Variants in LVRN observed in about 807,000 individuals in gnomAD.
The protein encoded by LVRN is aminopeptidase Q.
Under a neutral mutation model 111.4 loss-of-function variants are expected in LVRN, and 99 were observed. That is an observed-to-expected ratio of 0.89 (90% CI 0.76 to 1.05). The LOEUF is 1.05. LVRN is among the 50% of genes least tolerant of loss of function. The pLI is 0.00. For synonymous variants in LVRN, 488 were observed against 449.5 expected (o/e 1.09, Z -1.08); for missense variants, 1,414 against 1,206.8 (o/e 1.17, Z -2.54).
rs762129111 is a variant in LVRN at position 116,010,847 on chromosome 5, G to T, written c.2200G>T (p.Asp734Tyr). ...HTVLVNLVTR[D>Y]LVSEVNIYDI... ...AGTCTTGGTAAACTTGGTAACCAGG[G>T]ATCTTGTTTCTGAGGTGAACATCTA... is the stretch of plus-strand genomic sequence containing the variant. The change falls in exon 14 of 20, where the codon GAT becomes TAT. Residue 734 changes from aspartate (D) to tyrosine (Y), a missense_variant. Asp to Tyr is a radical substitution (Grantham distance 160). Coordinates refer to ENST00000357872, the MANE Select transcript of LVRN (RefSeq NM_173800.5). 12 of 1,610,974 alleles carry T rather than the reference G, an allele frequency of 7.4e-6. No homozygotes were observed. Among genetic ancestry groups the T allele is most frequent in the South Asian group, 6.6e-5 (6 of 90,640 alleles).
At chr5:115,976,442 C>T (rs186472698) in intron 1 of LVRN, among the ~76,000 whole-genome samples, 8 of 152,098 alleles carry the variant, frequency 5.3e-5, no homozygotes, top group African/African-American at 9.6e-5. Context: ...TTTATTTCAC[C>T]GATTTATATT....
chr5:116,015,437 A>C lies in LVRN; in HGVS notation c.2618+18A>C, dbSNP rs2112634275. 6.4e-7 allele frequency: 1 copy of C among 1,550,420 alleles called. No individual in the cohort carries two copies. Among genetic ancestry groups the C allele is most frequent in the African/African-American group, 1.4e-5 (1 of 72,286 alleles). On this transcript the variant is annotated intron_variant, in intron 17 of 19. Transcript: ENST00000357872. ...CTTAACAGGTGATTATGGTCAACTT[A>C]CCTTGAAAGTTTCTGTTATAGGAAT...
At chr5:116,003,496 C>A in intron 12 of LVRN, 116 bp downstream of exon 12, 2 of 595,952 alleles carry the variant, frequency 3.4e-6, no homozygotes, top group African/African-American at 2.0e-5. Context: ...CCCCTCACCT[C>A]CAGGCATGCA....
At chr5:116,012,872 T>G (rs1426471095) in intron 15 of LVRN, among the ~76,000 whole-genome samples, 1 of 152,228 alleles carries the variant, frequency 6.6e-6, no homozygotes, top group Non-Finnish European at 1.5e-5. Flanking sequence ...TCAGTCATTA[T>G]GCAGGTAAGA....
In LVRN at chr5:116,001,054, T is replaced by G; in HGVS notation, c.1648-13T>G. On this transcript the variant is annotated splice_polypyrimidine_tract_variant and intron_variant, in intron 9 of 19. Coordinates refer to ENST00000357872, the MANE Select transcript of LVRN (RefSeq NM_173800.5). Reference sequence around the variant, plus strand: ...ATAACCTTACCTGCCTTTGTGGTGATTTTTTAAAACAGGCCATAGATGACC... The same window carrying G: ...ATAACCTTACCTGCCTTTGTGGTGAGTTTTTAAAACAGGCCATAGATGACC... 1 of 1,575,148 alleles carries G rather than the reference T, an allele frequency of 6.3e-7. No homozygotes were observed. Among genetic ancestry groups the G allele is most frequent in the Non-Finnish European group, 8.6e-7 (1 of 1,166,866 alleles).
chr5:115,973,862 T>C (rs948592526), intron 1 of LVRN, among the ~76,000 whole-genome samples: 2 of 152,186 alleles, frequency 1.3e-5, no homozygotes, highest in South Asian at 2.1e-4. Flanking sequence ...TCAGCTTTCA[T>C]AGGTTTCTTC....
chr5:116,005,761 G>GA, intron 12 of LVRN, 151 bp from the exon 13 acceptor site: 1 of 703,328 alleles, frequency 1.4e-6, no homozygotes. Context: ...TATGGGGACT[G>GA]TCCTCAGTAA....
At chr5:115,989,074 A>G (rs1019312372) in intron 4 of LVRN, among the ~76,000 whole-genome samples, 1 of 152,000 alleles carries the variant, frequency 6.6e-6, no homozygotes, top group Non-Finnish European at 1.5e-5. Flanking sequence ...TCTCCACCAC[A>G]GCTGTACTCT....
intron 18 of LVRN, among the ~76,000 whole-genome samples, chr5:116,018,981 C>A (rs1014763577): frequency 3.3e-5 from 5 of 152,082 alleles, no homozygotes; most frequent in Admixed American, 3.3e-4. Context: ...CACACATTTA[C>A]AGTCACGAGT....
intron 1 of LVRN, 124 bp from the exon 2 acceptor site, chr5:115,983,163 G>A (rs193224436): frequency 9.4e-7 from 1 of 1,063,928 alleles, no homozygotes; most frequent in East Asian, 2.6e-5. Flanking sequence ...TGGGCAGTGA[G>A]GAAGATGAGA....
chr5:115,971,836 T>G (rs1261825007), intron 1 of LVRN, among the ~76,000 whole-genome samples: 1 of 152,062 alleles, frequency 6.6e-6, no homozygotes, highest in Non-Finnish European at 1.5e-5. Flanking sequence ...CTTGTTAATA[T>G]CTATTAAATA....
chr5:116,019,225 G>A (rs1378332695), intron 18 of LVRN, among the ~76,000 whole-genome samples: 1 of 152,170 alleles, frequency 6.6e-6, no homozygotes, highest in Non-Finnish European at 1.5e-5. Flanking sequence ...TCTAAACATA[G>A]AAAAGATAAT....
At chr5:116,015,537 C>T in intron 17 of LVRN, 91 bp from the exon 18 acceptor site, 1 of 1,506,482 alleles carries the variant, frequency 6.6e-7, no homozygotes. Context: ...GCTTCACTAC[C>T]TTAGAACCAT....
intron 1 of LVRN, among the ~76,000 whole-genome samples, chr5:115,966,728 T>A (rs1753211035): frequency 6.6e-6 from 1 of 152,216 alleles, no homozygotes; most frequent in Admixed American, 6.5e-5. Flanking sequence ...ATTGCCAAAT[T>A]GTTTTTCAAA....
intron 18 of LVRN, among the ~76,000 whole-genome samples, chr5:116,018,133 T>G (rs1398837370): frequency 6.6e-6 from 1 of 152,120 alleles, no homozygotes; most frequent in African/African-American, 2.4e-5. Context: ...TGTTTATATA[T>G]GCAATAATTA....
At chr5:115,984,483 C>T (rs1418037114) in intron 2 of LVRN, 87 bp from the exon 3 acceptor site, 19 of 1,467,952 alleles carry the variant, frequency 1.3e-5, no homozygotes, top group Non-Finnish European at 1.8e-5. Context: ...AAAGGAGTAG[C>T]TGGGTGACAA....
intron 1 of LVRN, among the ~76,000 whole-genome samples, chr5:115,982,008 T>G (rs1753569611): frequency 6.6e-6 from 1 of 152,116 alleles, no homozygotes; most frequent in Non-Finnish European, 1.5e-5. Context: ...CGTTGCTCAG[T>G]TGGTAGTAGA....
At chr5:115,986,415 T>A (rs1747864966) in intron 3 of LVRN, among the ~76,000 whole-genome samples, 1 of 152,178 alleles carries the variant, frequency 6.6e-6, no homozygotes, top group Non-Finnish European at 1.5e-5. Flanking sequence ...ACCATTCTTG[T>A]AGCGGGATGA....
chr5:115,978,980 G>C (rs868560695), intron 1 of LVRN, among the ~76,000 whole-genome samples: 1 of 152,104 alleles, frequency 6.6e-6, no homozygotes, highest in Middle Eastern at 3.4e-3. Context: ...CCTTGACTCA[G>C]CAACTTCTAT....
Sources: gnomAD v4.1 joint callset for allele counts (sites outside exome capture counted in the v4.1 genomes callset) on GRCh38, gnomAD v4.1.1 for gene constraint, MANE v1.5 for transcripts, NCBI Gene and HGNC (gene_info 2026-07-23, HGNC 2026-07-21) for gene names.